NCAPD3: variants seen among roughly 807,000 people sequenced by gnomAD.
NCAPD3 encodes non-SMC condensin II complex subunit D3, also known as condensin-2 complex subunit D3.
Under a neutral mutation model 182.9 loss-of-function variants are expected in NCAPD3, and 105 were observed. The ratio of observed to expected loss-of-function variants is 0.57; its 90% CI spans 0.49 to 0.68. The LOEUF (loss-of-function observed/expected upper bound fraction) is 0.68, where lower values mean the gene tolerates loss of function less well. Ranked by LOEUF, NCAPD3 falls within the 30% of genes least tolerant of loss-of-function variation. NCAPD3 has a pLI of 0.00. For synonymous variants in NCAPD3, 815 were observed against 679.9 expected (o/e 1.20, Z -3.09); for missense variants, 1,944 against 1,837.0 (o/e 1.06, Z -1.07).
At chr11:134,210,496 G>T in intron 3 of NCAPD3, 42 bp from the exon 4 acceptor site, 1 of 1,529,232 alleles carries the variant, frequency 6.5e-7, no homozygotes, top group Non-Finnish European at 9.0e-7. Flanking sequence ...AGATTTAATT[G>T]TCTTGAAATA....
At chr11:134,178,094 C>T (rs1052969766) in intron 22 of NCAPD3, 1 of 152,160 alleles carries the variant, frequency 6.6e-6, no homozygotes, top group African/African-American at 2.4e-5. Context: ...ATACAATTTC[C>T]AGCACAGAGG....
intron 27 of NCAPD3, among the ~76,000 whole-genome samples, chr11:134,163,280 C>T (rs1452554398): frequency 6.6e-6 from 1 of 152,144 alleles, no homozygotes; most frequent in African/African-American, 2.4e-5. Flanking sequence ...TGACAAAAGT[C>T]TATATGGAAT....
At chr11:134,161,055 T>G (rs1051713957) in intron 28 of NCAPD3, among the ~76,000 whole-genome samples, 2 of 152,112 alleles carry the variant, frequency 1.3e-5, no homozygotes, top group Non-Finnish European at 2.9e-5. Context: ...CTTGGCTTCC[T>G]AGTATAAAAA....
intron 24 of NCAPD3, chr11:134,173,376 G>A (rs1944066374): frequency 6.5e-6 from 1 of 153,996 alleles, no homozygotes; most frequent in Non-Finnish European, 1.5e-5. Flanking sequence ...TGAGGCTGAT[G>A]GGGAGCAGAC....
In NCAPD3 at chr11:134,178,691, G is replaced by A. The variant is rs138442478; in HGVS notation, c.2725C>T (p.Gln909Ter). 1 of 1,593,696 alleles carries A rather than the reference G, an allele frequency of 6.3e-7. No homozygotes were observed. The highest frequency in any genetic ancestry group is 8.6e-7 in the Non-Finnish European group (1 of 1,167,846). ...SEAPASQPPP[Q>*]VRGSVMPSVI... Reference sequence around the variant, plus strand: ...GAGGGCATGACAGAACCTCTGACCTGGGGGGGTGGCTGAGACGCTGGGGCC... The same window carrying A: ...GAGGGCATGACAGAACCTCTGACCTAGGGGGGTGGCTGAGACGCTGGGGCC... Residue 909 changes from glutamine (Q) to a stop codon, truncating the protein, a stop_gained, in exon 22 of 35, where the codon CAG (glutamine) becomes TAG (stop). Coordinates refer to ENST00000534548, the MANE Select transcript of NCAPD3 (RefSeq NM_015261.3). LOFTEE classifies it high-confidence loss of function.
At chr11:134,203,052 G>T in intron 12 of NCAPD3, 90 bp downstream of exon 12, 1 of 1,210,734 alleles carries the variant, frequency 8.3e-7, no homozygotes, top group Non-Finnish European at 1.2e-6. Context: ...GTTAAAGCAG[G>T]TAAATAAGGA....
intron 16 of NCAPD3, among the ~76,000 whole-genome samples, chr11:134,186,447 A>C (rs914548897): frequency 6.6e-6 from 1 of 152,204 alleles, no homozygotes; most frequent in Admixed American, 6.5e-5. Context: ...TTCTGGGCTC[A>C]AGCCATCCTC....
chr11:134,175,557 G>T (rs1408008455), intron 24 of NCAPD3, among the ~76,000 whole-genome samples: 1 of 152,148 alleles, frequency 6.6e-6, no homozygotes, highest in African/African-American at 2.4e-5. Context: ...GATCCAGAGG[G>T]ACCCACTGTT....
At chr11:134,171,945 G>A (rs571880529) in intron 24 of NCAPD3, among the ~76,000 whole-genome samples, 5 of 152,256 alleles carry the variant, frequency 3.3e-5, no homozygotes, top group East Asian at 1.9e-4. Flanking sequence ...AAATGTTCAC[G>A]GCATGTCTGC....
Position 134,204,633 on chromosome 11 carries a change from T to C in NCAPD3, c.1089+266A>G, listed in dbSNP as rs1289092274. On this transcript the variant is annotated intron_variant, in intron 9 of 34. Transcript: ENST00000534548. This position sits in a 1 kb window ranked among gnomAD's most constrained non-coding sequence, Gnocchi z 4.3. ...GACACAAAACTGTGGAACTCGGTGATGGGTATGTGGTGGTTCACCAGCCTA... is the reference window on the plus strand; with the variant it reads ...GACACAAAACTGTGGAACTCGGTGACGGGTATGTGGTGGTTCACCAGCCTA... Among the ~76,000 whole-genome samples, 1 of 152,194 alleles carries C rather than the reference T, an allele frequency of 6.6e-6. No homozygotes were observed. The highest frequency in any genetic ancestry group is 2.4e-5 in the African/African-American group (1 of 41,446).
At chr11:134,160,194 A>G in intron 28 of NCAPD3, 120 bp from the exon 29 acceptor site, 1 of 973,432 alleles carries the variant, frequency 1.0e-6, no homozygotes, top group Non-Finnish European at 1.5e-6. Flanking sequence ...TGTACCCCTG[A>G]ACGCAAAATA....
intron 19 of NCAPD3, chr11:134,183,151 G>C: frequency 2.2e-6 from 1 of 456,292 alleles, no homozygotes; most frequent in Non-Finnish European, 4.4e-6. Flanking sequence ...TTTCCAACCA[G>C]TGCTGGTGAA....
chr11:134,158,088 C>T lies in NCAPD3; in HGVS notation c.4035-21G>A, dbSNP rs376708085. The stretch of plus-strand genomic sequence containing the variant: ...TGGGCCTGTGGAGAACAGCCACAGC[C>T]GCTGACTTTCTCACTGCAGACCACT... On this transcript the variant is annotated intron_variant, in intron 30 of 34. Coordinates refer to ENST00000534548, the MANE Select transcript of NCAPD3 (RefSeq NM_015261.3). 88 of 1,609,850 alleles carry T rather than the reference C, an allele frequency of 5.5e-5. 1 individual carries two copies. In the South Asian group the frequency reaches 6.6e-4, roughly 12 times the overall value.
At chr11:134,176,533 T>C in intron 23 of NCAPD3, 147 bp from the exon 24 acceptor site, 1 of 652,614 alleles carries the variant, frequency 1.5e-6, no homozygotes, top group African/African-American at 1.8e-5. Context: ...CGGAATGTAG[T>C]GCCGAGAAGT....
intron 16 of NCAPD3, among the ~76,000 whole-genome samples, chr11:134,188,235 C>A (rs922014387): frequency 2.0e-5 from 3 of 150,808 alleles, no homozygotes; most frequent in Admixed American, 2.0e-4. Flanking sequence ...ATCAGCACTC[C>A]GTGTCTAGCT....
At chr11:134,217,456 T>C (rs778998175) in intron 2 of NCAPD3, among the ~76,000 whole-genome samples, 61 of 152,028 alleles carry the variant, frequency 4.0e-4, no homozygotes, top group Admixed American at 8.5e-4. Context: ...CCTCTATTTA[T>C]ATTAAAAGGA....
chr11:134,218,116 G>T (rs1479921256), intron 2 of NCAPD3, among the ~76,000 whole-genome samples: 1 of 111,400 alleles, frequency 9.0e-6, no homozygotes, highest in Non-Finnish European at 2.0e-5. Flanking sequence ...AAAAAGGGGG[G>T]GGGGGGAAGA....
rs916762301 is a variant in NCAPD3, at chr11:134,152,890, G to A, written c.*54C>T. 1.2e-5 allele frequency: 17 copies of A among 1,387,452 alleles called. No individual in the cohort carries two copies. Among genetic ancestry groups the A allele is most frequent in the Middle Eastern group, 5.2e-4 (2 of 3,828 alleles). The allele number at this position is 1,387,452 out of a possible 1,614,324, so 85.9% of individuals were successfully genotyped here. On this transcript the variant is annotated 3_prime_UTR_variant, in exon 35 of 35. Transcript: ENST00000534548. Reference sequence around the variant, plus strand: ...CCAGCTGCCTTCACACGGAGGACACGAGACTGCTTCCTCAAGGGCTCCTGC... The same window carrying A: ...CCAGCTGCCTTCACACGGAGGACACAAGACTGCTTCCTCAAGGGCTCCTGC...
At position 134,178,732 on chromosome 11, in the gene NCAPD3, G is replaced by C. The variant is rs759597486; in HGVS notation, c.2684C>G (p.Ser895Cys). ...CGCTGGGGCCTCACTGCTGCCTTGAGATGATGGTGCTGCAAAGAAGGGAGA... is the reference window on the plus strand; with the variant it reads ...CGCTGGGGCCTCACTGCTGCCTTGACATGATGGTGCTGCAAAGAAGGGAGA... ...SSADADHSPS[S>C]QGSSEAPASQ... The change falls in exon 22 of 35, where the codon TCT (serine) becomes TGT (cysteine). Residue 895 changes from serine (S) to cysteine (C), a missense_variant. Coordinates refer to ENST00000534548, the MANE Select transcript of NCAPD3 (RefSeq NM_015261.3). 1 of 1,608,872 alleles carries C rather than the reference G, an allele frequency of 6.2e-7. No homozygotes were observed. Among genetic ancestry groups the C allele is most frequent in the South Asian group, 1.1e-5 (1 of 90,408 alleles).
Sources: allele counts gnomAD v4.1 joint callset (sites outside exome capture counted in the v4.1 genomes callset), GRCh38; gene constraint gnomAD v4.1.1; non-coding constraint Gnocchi (gnomAD v3.1); transcripts MANE v1.5; gene names NCBI Gene and HGNC (gene_info 2026-07-23, HGNC 2026-07-21).